Variants in CAMKMT observed in about 807,000 individuals in gnomAD.
CAMKMT encodes the protein calmodulin-lysine N-methyltransferase, also known as CaM KMT.
Under a neutral mutation model 48.0 loss-of-function variants are expected in CAMKMT, and 53 were observed. The observed-to-expected ratio is 1.10, with a 90% CI of 0.89 to 1.39. CAMKMT has a LOEUF of 1.39. Among genes scored for constraint, CAMKMT ranks in the 40% most tolerant of loss-of-function variants. CAMKMT has a pLI of 0.00. For synonymous variants in CAMKMT, 165 were observed against 152.3 expected, an observed-to-expected ratio of 1.08 and a Z score of -0.61; for missense variants, 428 against 402.7, an observed-to-expected ratio of 1.06 and a Z score of -0.54.
chr2:44,620,786 A>G (rs1672140829), intron 3 of CAMKMT, among the ~76,000 whole-genome samples: 1 of 152,184 alleles, frequency 6.6e-6, no homozygotes, highest in Non-Finnish European at 1.5e-5. Flanking sequence ...GTTTAATACC[A>G]TGGATTCTAG....
At chr2:44,673,705 G>A (rs929951702) in intron 3 of CAMKMT, among the ~76,000 whole-genome samples, 1 of 152,088 alleles carries the variant, frequency 6.6e-6, no homozygotes, top group African/African-American at 2.4e-5. Flanking sequence ...AGCAAAATAA[G>A]CGTTAAGGAA....
Position 44,587,476 on chromosome 2 carries a change from G to A in CAMKMT, c.377-116807G>A, listed in dbSNP as rs1352572953. Among the ~76,000 whole-genome samples the A allele has an allele frequency of 3.8e-5, 3 of 79,494 alleles. No homozygotes were observed. The Middle Eastern group carries it at 0.023, about 602-fold the overall frequency. 52.2% of individuals were successfully genotyped at this position (79,494 alleles called of 152,430 possible). On this transcript the variant is annotated intron_variant, in intron 3 of 10. Transcript: ENST00000378494. ...CCTCCCCCTGTCCCTCTCCCTCTCC[G>A]TCTCCCTCTCTCTCCACGGTCTCCT...
intron 3 of CAMKMT, among the ~76,000 whole-genome samples, chr2:44,556,867 C>T (rs1198744586): frequency 6.6e-6 from 1 of 151,834 alleles, no homozygotes; most frequent in African/African-American, 2.4e-5. Context: ...CCCTTGAACC[C>T]AGAAATTTGA....
Position 44,626,613 on chromosome 2 carries a change from C to G in CAMKMT, c.377-77670C>G, listed in dbSNP as rs79275274. ...GGGCCCATTCCTTCTCGACTGTATC[C>G]TCACACGGTAGAAGGGGCTAGCTAG... is the stretch of plus-strand genomic sequence containing the variant. On this transcript the variant is annotated intron_variant, in intron 3 of 10. Coordinates refer to ENST00000378494, the MANE Select transcript of CAMKMT (RefSeq NM_024766.5). Among the ~76,000 whole-genome samples the G allele has an allele frequency of 2.9e-3, 446 of 152,226 alleles. 3 individuals carry two copies. Among genetic ancestry groups the G allele is most frequent in the African/African-American group, 0.01 (421 of 41,524 alleles).
At chr2:44,470,488 A>G (rs1358114643) in intron 3 of CAMKMT, among the ~76,000 whole-genome samples, 1 of 81,176 alleles carries the variant, frequency 1.2e-5, no homozygotes, top group African/African-American at 4.1e-5. Flanking sequence ...GGAGTTTACA[A>G]TTTGGAGGTG....
intron 3 of CAMKMT, among the ~76,000 whole-genome samples, chr2:44,555,214 G>C (rs1222047673): frequency 1.3e-5 from 2 of 152,202 alleles, no homozygotes; most frequent in Non-Finnish European, 2.9e-5. Context: ...AGGATGGATT[G>C]GAGTAGGGAA....
chr2:44,643,170 A>G (rs4953125), intron 3 of CAMKMT, among the ~76,000 whole-genome samples: 93,503 of 152,040 alleles, frequency 0.61, 29,397 homozygotes, highest in Admixed American at 0.69. Context: ...AAGCTCTTCT[A>G]TTTTATTTGT....
intron 2 of CAMKMT, among the ~76,000 whole-genome samples, chr2:44,384,959 G>T (rs773838845): frequency 6.6e-6 from 1 of 152,080 alleles, no homozygotes; most frequent in Admixed American, 6.6e-5. Context: ...CTTTGGCTAT[G>T]CAGGTTCTTT....
chr2:44,400,799 T>A (rs1050726584), intron 3 of CAMKMT: 12 of 151,408 alleles, frequency 7.9e-5, no homozygotes, highest in Admixed American at 6.6e-4. Flanking sequence ...AGCGTATTTT[T>A]GAAACATACT....
chr2:44,542,474 CAGG>C, intron 3 of CAMKMT, among the ~76,000 whole-genome samples: 1 of 151,016 alleles, frequency 6.6e-6, no homozygotes, highest in East Asian at 1.9e-4. Flanking sequence ...GAGTCTAACT[CAGG>C]AGGTAAGACA....
At chr2:44,407,822 A>G (rs897498521) in intron 3 of CAMKMT, among the ~76,000 whole-genome samples, 6 of 152,086 alleles carry the variant, frequency 3.9e-5, no homozygotes, top group African/African-American at 1.4e-4. Context: ...CAGTTATTCT[A>G]TACCTCAAGA....
intron 3 of CAMKMT, among the ~76,000 whole-genome samples, chr2:44,404,043 A>G (rs1390428430): frequency 2.0e-5 from 3 of 152,200 alleles, no homozygotes; most frequent in Non-Finnish European, 4.4e-5. Context: ...CCATTAAAAC[A>G]TATCACATTG....
At chr2:44,557,319 G>C (rs1248150020) in intron 3 of CAMKMT, among the ~76,000 whole-genome samples, 1 of 151,520 alleles carries the variant, frequency 6.6e-6, no homozygotes, top group Non-Finnish European at 1.5e-5. Flanking sequence ...AAAAGTGTTA[G>C]TACATTCTCT....
chr2:44,382,436 C>T (rs1345965671), intron 2 of CAMKMT, among the ~76,000 whole-genome samples: 1 of 149,944 alleles, frequency 6.7e-6, no homozygotes, highest in Non-Finnish European at 1.5e-5. Context: ...GGGCCTAGTG[C>T]TTATTTGGTC....
chr2:44,378,643 G>A (rs1021800286), intron 2 of CAMKMT, among the ~76,000 whole-genome samples: 10 of 152,106 alleles, frequency 6.6e-5, no homozygotes, highest in Admixed American at 3.3e-4. Flanking sequence ...ACAGGCATGT[G>A]CCACCACGCC....
chr2:44,447,971 T>A (rs552050055), intron 3 of CAMKMT, among the ~76,000 whole-genome samples: 12 of 152,376 alleles, frequency 7.9e-5, no homozygotes, highest in Admixed American at 1.3e-4. Context: ...GGGATATGTA[T>A]TTTAAATTTA....
At chr2:44,494,385 AAGAG>A (rs962279001) in intron 3 of CAMKMT, among the ~76,000 whole-genome samples, 3 of 152,132 alleles carry the variant, frequency 2.0e-5, no homozygotes, top group African/African-American at 4.8e-5. Flanking sequence ...AGGTGGGCAA[AAGAG>A]AGAGACCACC....
intron 8 of CAMKMT, among the ~76,000 whole-genome samples, chr2:44,750,204 G>A (rs1392129633): frequency 6.6e-6 from 1 of 151,588 alleles, no homozygotes; most frequent in Non-Finnish European, 1.5e-5. Context: ...AGGCCAGAAT[G>A]CAATGTCACG....
At position 44,772,464 on chromosome 2, in the gene CAMKMT, A is replaced by T. The variant is rs796860704; in HGVS notation, c.*351A>T. 0.027 allele frequency: 3,265 copies of T among 122,412 alleles called. 61 individuals carry two copies. Among genetic ancestry groups the T allele is most frequent in the African/African-American group, 0.084 (2,638 of 31,260 alleles). The allele number at this position is 122,412 out of a possible 1,614,324, so 7.6% of individuals were successfully genotyped here. ...TTTTGATGATACCCATCCCTCCTTCATTTTTTTTTTTTTTTTGGTCTTTGT... is the reference window on the plus strand; with the variant it reads ...TTTTGATGATACCCATCCCTCCTTCTTTTTTTTTTTTTTTTTGGTCTTTGT... On this transcript the variant is annotated 3_prime_UTR_variant, in exon 11 of 11. Coordinates refer to ENST00000378494, the MANE Select transcript of CAMKMT (RefSeq NM_024766.5).
Sources: allele counts gnomAD v4.1 joint callset (sites outside exome capture counted in the v4.1 genomes callset), GRCh38; gene constraint gnomAD v4.1.1; transcripts MANE v1.5; gene names NCBI Gene and HGNC (gene_info 2026-07-23, HGNC 2026-07-21).